CHKA: variants seen among roughly 807,000 people sequenced by gnomAD.
CHKA encodes choline kinase alpha, also known as CHETK-alpha.
CHKA carries 34 observed loss-of-function variants against 60.1 expected under a neutral mutation model. The ratio of observed to expected loss-of-function variants is 0.57; its 90% CI spans 0.43 to 0.75. The LOEUF (loss-of-function observed/expected upper bound fraction) is 0.75. Among genes scored for constraint, CHKA ranks in the 30% least tolerant of loss-of-function variants. The pLI, the probability that CHKA is intolerant of heterozygous loss-of-function variation, is 0.00. For synonymous variants in CHKA, 217 were observed against 223.1 expected (o/e 0.97, Z 0.24); for missense variants, 563 against 561.3 (o/e 1.00, Z -0.03).
At chr11:68,108,552 G>A (rs1858006932) in intron 1 of CHKA, among the ~76,000 whole-genome samples, 1 of 152,198 alleles carries the variant, frequency 6.6e-6, no homozygotes, top group African/African-American at 2.4e-5. Flanking sequence ...AGACCATCCT[G>A]GCTAACACGG....
At chr11:68,054,138 C>G (rs1189448588) in intron 11 of CHKA, 91 bp from the exon 12 acceptor site, 1 of 1,125,340 alleles carries the variant, frequency 8.9e-7, no homozygotes, top group Non-Finnish European at 1.3e-6. Flanking sequence ...CAGGCAAGAG[C>G]TGAGGGCACG....
At chr11:68,097,635 C>A (rs199952878) in intron 1 of CHKA, among the ~76,000 whole-genome samples, 223 of 111,728 alleles carry the variant, frequency 2.0e-3, no homozygotes, top group Middle Eastern at 4.8e-3. Flanking sequence ...GACTCCGTCT[C>A]AAAAAAAAAA....
Position 68,079,109 on chromosome 11 carries a change from T to A in CHKA, c.516+2295A>T, listed in dbSNP as rs890413524. Among the ~76,000 whole-genome samples the A allele has an allele frequency of 2.0e-5, 3 of 151,482 alleles. No individual in the cohort carries two copies. The East Asian group carries it at 5.9e-4, about 30-fold the overall frequency. ...CTACCAAGCCCAGCTTATTTTTGTA[T>A]TTTTAGTAAAAACAGGGTTTCACCC... On this transcript the variant is annotated intron_variant, in intron 3 of 11. Coordinates refer to ENST00000265689, the MANE Select transcript of CHKA (RefSeq NM_001277.3).
intron 10 of CHKA, 52 bp from the exon 11 acceptor site, chr11:68,062,086 G>T: frequency 8.3e-7 from 1 of 1,212,106 alleles, no homozygotes; most frequent in Non-Finnish European, 1.2e-6. Context: ...ATCAGTTACA[G>T]GACTGATGAA....
At chr11:68,120,430 A>C (rs960245811) in intron 1 of CHKA, among the ~76,000 whole-genome samples, 7 of 152,194 alleles carry the variant, frequency 4.6e-5, no homozygotes. Flanking sequence ...AAAGTTAAAA[A>C]GTGGTTTGTG....
chr11:68,076,455 C>T (rs745810260), intron 3 of CHKA, among the ~76,000 whole-genome samples: 2 of 152,030 alleles, frequency 1.3e-5, no homozygotes, highest in Non-Finnish European at 2.9e-5. Context: ...AGAAAGTATC[C>T]GGGGCATTTA....
chr11:68,080,921 G>A (rs969519439), intron 3 of CHKA, among the ~76,000 whole-genome samples: 21 of 152,204 alleles, frequency 1.4e-4, no homozygotes. Flanking sequence ...CATTCTCTAA[G>A]TCTAGGAAGA....
chr11:68,115,479 C>A (rs1186836387), intron 1 of CHKA, among the ~76,000 whole-genome samples: 1 of 152,124 alleles, frequency 6.6e-6, no homozygotes, highest in Non-Finnish European at 1.5e-5. Flanking sequence ...GAAGGCAGTG[C>A]CTGTGTGCAG....
chr11:68,119,166 A>C (rs909017385), intron 1 of CHKA, among the ~76,000 whole-genome samples: 1 of 152,220 alleles, frequency 6.6e-6, no homozygotes, highest in Non-Finnish European at 1.5e-5. Context: ...AGTGCCATTA[A>C]GCAATTCAGG....
chr11:68,091,298 C>A (rs565228129), intron 2 of CHKA, among the ~76,000 whole-genome samples: 1 of 152,056 alleles, frequency 6.6e-6, no homozygotes, highest in Non-Finnish European at 1.5e-5. Flanking sequence ...TGAAAATAAT[C>A]TCATTTCCAT....
chr11:68,062,170 A>G, intron 10 of CHKA, 136 bp from the exon 11 acceptor site: 2 of 644,858 alleles, frequency 3.1e-6, no homozygotes, highest in Admixed American at 2.7e-5. Flanking sequence ...TCATGGGTCT[A>G]TATTCCACGG....
At chr11:68,071,569 T>C (rs1856620543) in intron 4 of CHKA, among the ~76,000 whole-genome samples, 1 of 152,216 alleles carries the variant, frequency 6.6e-6, no homozygotes, top group Non-Finnish European at 1.5e-5. Flanking sequence ...TCATGCAACC[T>C]GCCACCCTGC....
chr11:68,079,487 G>T (rs983960098), intron 3 of CHKA, among the ~76,000 whole-genome samples: 1 of 151,978 alleles, frequency 6.6e-6, no homozygotes, highest in Non-Finnish European at 1.5e-5. Flanking sequence ...CCGCCACCAC[G>T]CCTGGCTAAT....
intron 1 of CHKA, among the ~76,000 whole-genome samples, chr11:68,099,509 T>A (rs536682790): frequency 6.6e-6 from 1 of 152,354 alleles, no homozygotes; most frequent in Non-Finnish European, 1.5e-5. Flanking sequence ...CAGAAGGTTG[T>A]CTACCTTAGT....
chr11:68,103,710 G>A (rs558228296), intron 1 of CHKA, among the ~76,000 whole-genome samples: 3 of 151,922 alleles, frequency 2.0e-5, no homozygotes, highest in East Asian at 3.9e-4. Flanking sequence ...TCGGGAATTC[G>A]AGATCAGCCT....
intron 6 of CHKA, among the ~76,000 whole-genome samples, chr11:68,069,330 G>C (rs78131618): frequency 0.026 from 3,969 of 152,210 alleles, 77 homozygotes; most frequent in South Asian, 0.042. Context: ...TTGTTTACTT[G>C]TTTTCCCTCA....
At chr11:68,059,066 C>A (rs1490510564) in intron 11 of CHKA, among the ~76,000 whole-genome samples, 1 of 152,068 alleles carries the variant, frequency 6.6e-6, no homozygotes, top group Non-Finnish European at 1.5e-5. Flanking sequence ...CTGGCTAATT[C>A]TGTATTTTAG....
chr11:68,066,279 C>T (rs541089095), intron 8 of CHKA, 150 bp downstream of exon 8: 21 of 662,580 alleles, frequency 3.2e-5, no homozygotes, highest in Admixed American at 7.6e-5. Context: ...CAACCATCAC[C>T]GGCCACTGGA....
intron 2 of CHKA, chr11:68,081,674 G>A (rs1374627705): frequency 2.1e-5 from 10 of 485,446 alleles, no homozygotes; most frequent in Non-Finnish European, 3.4e-5. Flanking sequence ...TACGAGAAAA[G>A]GGATGTGCCG....
Sources: allele counts gnomAD v4.1 joint callset (sites outside exome capture counted in the v4.1 genomes callset), GRCh38; gene constraint gnomAD v4.1.1; transcripts MANE v1.5; gene names NCBI Gene and HGNC (gene_info 2026-07-23, HGNC 2026-07-21).